CMSS1: variants seen among roughly 807,000 people sequenced by gnomAD.
CMSS1 encodes the protein cms1 ribosomal small subunit homolog.
A neutral mutation model predicts 43.5 loss-of-function variants in CMSS1; 33 were observed. The observed-to-expected ratio is 0.76, with a 90% CI of 0.57 to 1.01. The LOEUF (loss-of-function observed/expected upper bound fraction) is 1.01, where lower values mean the gene tolerates loss of function less well. CMSS1 is among the 50% of genes least tolerant of loss of function. The probability of loss-of-function intolerance (pLI) is 0.00; values close to 1 mark genes in which losing one functional copy is unlikely to be tolerated. For missense variants in CMSS1, 313 were observed against 326.4 expected (o/e 0.96, Z 0.32); for synonymous variants, 115 against 117.2 (o/e 0.98, Z 0.12).
intron 1 of CMSS1, among the ~76,000 whole-genome samples, chr3:99,987,281 C>A (rs1409290888): frequency 6.6e-6 from 1 of 151,014 alleles, no homozygotes; most frequent in Non-Finnish European, 1.5e-5. Context: ...GTAATCCCAG[C>A]ATTTTGGGAG....
chr3:99,905,947 G>A (rs1045379720), intron 1 of CMSS1, among the ~76,000 whole-genome samples: 1 of 152,188 alleles, frequency 6.6e-6, no homozygotes, highest in Non-Finnish European at 1.5e-5. Context: ...AGTCCCAGCA[G>A]TTTGGGAGGC....
chr3:100,014,891 C>CTTTT (rs1710284139), intron 1 of CMSS1, among the ~76,000 whole-genome samples: 8 of 27,218 alleles, frequency 2.9e-4, no homozygotes, highest in African/African-American at 4.5e-4. Flanking sequence ...TTTTTTCTTT[C>CTTTT]TTTCTTTTTT....
intron 1 of CMSS1, among the ~76,000 whole-genome samples, chr3:100,050,583 G>C (rs2065354610): frequency 6.6e-6 from 1 of 152,124 alleles, no homozygotes; most frequent in Non-Finnish European, 1.5e-5. Context: ...CCAGGCTGGA[G>C]TGCAGTGGTA....
At chr3:99,936,300 A>C (rs535907836) in intron 1 of CMSS1, among the ~76,000 whole-genome samples, 147 of 151,164 alleles carry the variant, frequency 9.7e-4, no homozygotes, top group African/African-American at 3.4e-3. Flanking sequence ...ATCATATACA[A>C]GCCCATTCTA....
At chr3:99,843,376 TC>T (rs1318381725) in intron 1 of CMSS1, among the ~76,000 whole-genome samples, 3 of 152,174 alleles carry the variant, frequency 2.0e-5, no homozygotes, top group African/African-American at 7.2e-5. Flanking sequence ...TATTGAGCTT[TC>T]CTTTTAAATA....
At chr3:99,946,878 C>CT (rs1296819389) in intron 1 of CMSS1, among the ~76,000 whole-genome samples, 1 of 152,028 alleles carries the variant, frequency 6.6e-6, no homozygotes, top group Admixed American at 6.6e-5. Flanking sequence ...AGGATACAGT[C>CT]ATTTGTTGCA....
intron 4 of CMSS1, among the ~76,000 whole-genome samples, chr3:100,163,682 C>T (rs562087238): frequency 2.6e-5 from 4 of 152,182 alleles, no homozygotes; most frequent in African/African-American, 7.2e-5. Context: ...GGAATATAGC[C>T]ACGTGCCACC....
chr3:100,056,124 G>A (rs1180898439), intron 1 of CMSS1, among the ~76,000 whole-genome samples: 2 of 152,142 alleles, frequency 1.3e-5, no homozygotes, highest in African/African-American at 4.8e-5. Context: ...GAAGGGAAGG[G>A]AAGGCAGGGA....
At chr3:100,168,255 T>G (rs2067080924) in intron 6 of CMSS1, among the ~76,000 whole-genome samples, 1 of 152,182 alleles carries the variant, frequency 6.6e-6, no homozygotes, top group South Asian at 2.1e-4. Context: ...TATAGGATTT[T>G]GAGGACTTAC....
Position 99,983,389 on chromosome 3 carries a change from AATATATATATATATATAT to A in CMSS1, c.65-163571_65-163554del, listed in dbSNP as rs397990626. Among the ~76,000 whole-genome samples the A allele has an allele frequency of 4.9e-5, 2 of 40,788 alleles. 1 individual carries two copies. The highest frequency in any genetic ancestry group is 2.0e-4 in the African/African-American group (2 of 9,784). 26.8% of individuals were successfully genotyped at this position (40,788 alleles called of 152,430 possible). A position where few individuals can be genotyped will look rare whatever the true frequency, so the allele number is the denominator to read the frequency against. Reference sequence around the variant, plus strand: ...TCTCTACTTAAAAAATAAATAAATAAATATATATATATATATATATATATATATATGTATGTATGTATG... The same window carrying A: ...TCTCTACTTAAAAAATAAATAAATAAATATATATATATGTATGTATGTATG... On this transcript the variant is annotated intron_variant, in intron 1 of 9. Transcript: ENST00000421999.
intron 1 of CMSS1, among the ~76,000 whole-genome samples, chr3:99,929,220 C>G (rs1707391981): frequency 6.6e-6 from 1 of 152,168 alleles, no homozygotes; most frequent in Non-Finnish European, 1.5e-5. Flanking sequence ...AGCAGTACTG[C>G]CTTCTCCCTA....
intron 1 of CMSS1, among the ~76,000 whole-genome samples, chr3:99,881,779 C>T (rs547565094): frequency 2.6e-5 from 4 of 152,140 alleles, no homozygotes; most frequent in South Asian, 2.1e-4. Flanking sequence ...GTGATCTGCC[C>T]GCCTCGGCCT....
At chr3:100,091,018 G>T (rs1016761977) in intron 1 of CMSS1, among the ~76,000 whole-genome samples, 19 of 152,188 alleles carry the variant, frequency 1.2e-4, no homozygotes, top group Non-Finnish European at 2.8e-4. Context: ...GGGCACAGTG[G>T]CTCACGCCTG....
chr3:99,836,386 G>A (rs764169678), intron 1 of CMSS1, among the ~76,000 whole-genome samples: 1 of 152,162 alleles, frequency 6.6e-6, no homozygotes, highest in South Asian at 2.1e-4. Flanking sequence ...AGTATATTGG[G>A]TTATGGGCGC....
chr3:100,019,760 T>G (rs1286895170), intron 1 of CMSS1, among the ~76,000 whole-genome samples: 2 of 152,222 alleles, frequency 1.3e-5, no homozygotes, highest in African/African-American at 4.8e-5. Flanking sequence ...CTATCATCTT[T>G]CAAACTATTA....
chr3:99,991,604 C>T (rs184397711), intron 1 of CMSS1, among the ~76,000 whole-genome samples: 91 of 152,052 alleles, frequency 6.0e-4, no homozygotes, highest in African/African-American at 2.1e-3. Context: ...ACCCCCCTGC[C>T]ACCTTCCCAC....
intron 1 of CMSS1, among the ~76,000 whole-genome samples, chr3:99,993,135 C>G (rs1331830458): frequency 6.6e-6 from 1 of 151,780 alleles, no homozygotes; most frequent in Non-Finnish European, 1.5e-5. Flanking sequence ...ATTTCTTTGG[C>G]TATTTGAGCT....
intron 1 of CMSS1, among the ~76,000 whole-genome samples, chr3:100,058,613 C>T (rs2065505843): frequency 6.6e-6 from 1 of 152,232 alleles, no homozygotes; most frequent in South Asian, 2.1e-4. Context: ...AAAAGTTTCT[C>T]TCCGCTTTTT....
At chr3:99,971,117 C>G (rs1479301031) in intron 1 of CMSS1, among the ~76,000 whole-genome samples, 1 of 152,272 alleles carries the variant, frequency 6.6e-6, no homozygotes, top group South Asian at 2.1e-4. Context: ...GCGGGCGGAT[C>G]ACTAGGTCAG....
Sources: allele counts gnomAD v4.1 joint callset (sites outside exome capture counted in the v4.1 genomes callset), GRCh38; gene constraint gnomAD v4.1.1; transcripts MANE v1.5; gene names NCBI Gene and HGNC (gene_info 2026-07-23, HGNC 2026-07-21).